Variants in CAP2 observed in about 807,000 individuals in gnomAD.
CAP2 encodes cyclase associated actin cytoskeleton regulatory protein 2.
In CAP2, 24 loss-of-function variants were observed where a neutral mutation model predicts 57.7. The observed-to-expected ratio is 0.42, with a 90% confidence interval of 0.30 to 0.58. CAP2 has a LOEUF of 0.58. Ranked by LOEUF, CAP2 falls within the 20% of genes least tolerant of loss-of-function variation. The probability of loss-of-function intolerance (pLI) is 0.22; values close to 1 mark genes in which losing one functional copy is unlikely to be tolerated. For missense variants in CAP2, 501 were observed against 590.3 expected (o/e 0.85, Z 1.57); for synonymous variants, 194 against 207.2 (o/e 0.94, Z 0.55).
intron 9 of CAP2, among the ~76,000 whole-genome samples, chr6:17,542,548 A>G (rs980696788): frequency 3.3e-5 from 5 of 152,178 alleles, no homozygotes; most frequent in Non-Finnish European, 7.3e-5. Context: ...CAGACTTGGC[A>G]TCAAGGCCTC....
chr6:17,399,842 C>G (rs1758763275), intron 1 of CAP2, among the ~76,000 whole-genome samples: 1 of 152,124 alleles, frequency 6.6e-6, no homozygotes, highest in Admixed American at 6.6e-5. Context: ...TTCCAAGAGG[C>G]TGAACATAGA....
At chr6:17,416,606 TA>T (rs1441246274) in intron 1 of CAP2, among the ~76,000 whole-genome samples, 2 of 152,128 alleles carry the variant, frequency 1.3e-5, no homozygotes, top group Non-Finnish European at 2.9e-5. Flanking sequence ...ACTCAGTAGA[TA>T]ATGCCCCAAA....
chr6:17,496,329 A>G (rs1301013537), intron 4 of CAP2, among the ~76,000 whole-genome samples: 2 of 152,168 alleles, frequency 1.3e-5, no homozygotes, highest in African/African-American at 4.8e-5. Flanking sequence ...TTTCTTTAGT[A>G]TCTTGTTCAG....
At chr6:17,455,610 A>T (rs1411908695) in intron 3 of CAP2, among the ~76,000 whole-genome samples, 1 of 150,832 alleles carries the variant, frequency 6.6e-6, no homozygotes. Flanking sequence ...ATCTCAGCTC[A>T]CTGCACTCTC....
chr6:17,441,399 T>C (rs528567975), intron 3 of CAP2, among the ~76,000 whole-genome samples: 13 of 151,740 alleles, frequency 8.6e-5, no homozygotes, highest in African/African-American at 2.7e-4. Context: ...TCAAGTGCAT[T>C]TTAAAATACT....
chr6:17,468,397 A>G (rs1334350479), intron 4 of CAP2, among the ~76,000 whole-genome samples: 2 of 152,252 alleles, frequency 1.3e-5, no homozygotes, highest in Non-Finnish European at 2.9e-5. Flanking sequence ...CCAGTTTCAC[A>G]AAACAGTATT....
intron 3 of CAP2, among the ~76,000 whole-genome samples, chr6:17,458,485 G>A (rs942934079): frequency 1.3e-5 from 2 of 152,178 alleles, no homozygotes; most frequent in South Asian, 4.1e-4. Context: ...GACAAGGAAT[G>A]TTAGAAACAA....
At chr6:17,472,497 C>T (rs990353615) in intron 4 of CAP2, among the ~76,000 whole-genome samples, 1 of 152,156 alleles carries the variant, frequency 6.6e-6, no homozygotes, top group Non-Finnish European at 1.5e-5. Flanking sequence ...TAGGTAAAAA[C>T]CAATTGCATT....
chr6:17,474,185 C>CTT lies in CAP2; in HGVS notation c.300+11136_300+11137dup, dbSNP rs544909381. Among the ~76,000 whole-genome samples, 130 of 93,206 alleles carry CTT rather than the reference C, an allele frequency of 1.4e-3. 3 individuals carry two copies. The highest frequency in any genetic ancestry group is 0.011 in the Admixed American group (83 of 7,512). The allele number at this position is 93,206 out of a possible 152,430, so 61.1% of individuals were successfully genotyped here. On this transcript the variant is annotated intron_variant, in intron 4 of 12. Transcript: ENST00000229922. ...AATCAAGACAGAGGAAAAAAACAGTCTTTTTTTTTTTTTTTTTTTTTTTTT... is the reference window on the plus strand; with the variant it reads ...AATCAAGACAGAGGAAAAAAACAGTCTTTTTTTTTTTTTTTTTTTTTTTTTTT...
intron 3 of CAP2, among the ~76,000 whole-genome samples, chr6:17,448,565 A>G (rs750245151): frequency 1.3e-5 from 2 of 152,200 alleles, no homozygotes; most frequent in African/African-American, 4.8e-5. Context: ...AATTCTTTCC[A>G]GTCTTTGATC....
chr6:17,476,402 T>G (rs919433375), intron 4 of CAP2, among the ~76,000 whole-genome samples: 3 of 152,240 alleles, frequency 2.0e-5, no homozygotes, highest in Non-Finnish European at 2.9e-5. Context: ...AGAAAAGCAC[T>G]GGACCACCCA....
At chr6:17,420,946 G>A (rs1030515530) in intron 1 of CAP2, among the ~76,000 whole-genome samples, 1 of 152,034 alleles carries the variant, frequency 6.6e-6, no homozygotes, top group African/African-American at 2.4e-5. Context: ...CACATTTATA[G>A]CAGCACAATT....
At chr6:17,480,487 TATTGTAATAAGGGC>T in intron 4 of CAP2, among the ~76,000 whole-genome samples, 1 of 152,160 alleles carries the variant, frequency 6.6e-6, no homozygotes, top group African/African-American at 2.4e-5. Flanking sequence ...AAACCTGGTA[TATTGTAATAAGGGC>T]ATTGTAATAA....
chr6:17,538,704 G>C (rs181856720), intron 7 of CAP2, among the ~76,000 whole-genome samples: 1 of 152,112 alleles, frequency 6.6e-6, no homozygotes, highest in Non-Finnish European at 1.5e-5. Flanking sequence ...CAAGCATCCC[G>C]GTCACATATG....
At chr6:17,425,714 T>A (rs1036880729) in intron 2 of CAP2, among the ~76,000 whole-genome samples, 2 of 152,248 alleles carry the variant, frequency 1.3e-5, no homozygotes, top group South Asian at 2.1e-4. Context: ...CCGGAGGGAA[T>A]GAAATGAAAT....
Position 17,554,251 on chromosome 6 carries a change from C to T in CAP2, c.1351-2108C>T, listed in dbSNP as rs368303481. Among the ~76,000 whole-genome samples, 105 of 152,262 alleles carry T rather than the reference C, an allele frequency of 6.9e-4. 2 individuals carry two copies. The South Asian group carries it at 0.022, about 31-fold the overall frequency. On this transcript the variant is annotated intron_variant, in intron 12 of 12. Transcript: ENST00000229922. ...CCTCTCAAGTAGCTGGGACTACAGG[C>T]GTGTGCCACCACACCCTGCTAATTT...
At chr6:17,394,704 G>A (rs1758626315) in intron 1 of CAP2, among the ~76,000 whole-genome samples, 1 of 152,180 alleles carries the variant, frequency 6.6e-6, no homozygotes, top group African/African-American at 2.4e-5. Context: ...TTTCATTGAA[G>A]CTATGTTCCT....
intron 4 of CAP2, among the ~76,000 whole-genome samples, chr6:17,480,327 G>A (rs535252066): frequency 6.6e-6 from 1 of 152,148 alleles, no homozygotes; most frequent in East Asian, 1.9e-4. Flanking sequence ...ACTATGCAAG[G>A]GCCCAAAATG....
rs75159819 is a variant in CAP2 at position 17,436,585 on chromosome 6, G to A, written c.222+9895G>A. ...TTTGGAGAGGAAGAGAGAGGGAGGC[G>A]GGTATCAGAACCTTCCGCAGAGAGA... On this transcript the variant is annotated intron_variant, in intron 3 of 12. Transcript: ENST00000229922. Among the ~76,000 whole-genome samples, 974 of 152,226 alleles carry A rather than the reference G, an allele frequency of 6.4e-3. 12 individuals carry two copies. The highest frequency in any genetic ancestry group is 0.022 in the African/African-American group (912 of 41,520).
Sources: gnomAD v4.1 joint callset for allele counts (sites outside exome capture counted in the v4.1 genomes callset) on GRCh38, gnomAD v4.1.1 for gene constraint, MANE v1.5 for transcripts, NCBI Gene and HGNC (gene_info 2026-07-23, HGNC 2026-07-21) for gene names.